CEP250: variants seen among roughly 807,000 people sequenced by gnomAD.
CEP250 encodes centrosome-associated protein CEP250.
CEP250 carries 242 observed loss-of-function variants against 315.7 expected under a neutral mutation model. The ratio of observed to expected loss-of-function variants is 0.77; its 90% CI spans 0.69 to 0.85. The LOEUF (loss-of-function observed/expected upper bound fraction) is 0.85, where lower values mean the gene tolerates loss of function less well. Ranked by LOEUF, CEP250 falls within the 40% of genes least tolerant of loss-of-function variation. CEP250 has a pLI of 0.00. For synonymous variants in CEP250, 1,088 were observed against 1,175.0 expected, an observed-to-expected ratio of 0.93 and a Z score of 1.51; for missense variants, 2,515 against 2,886.4, an observed-to-expected ratio of 0.87 and a Z score of 2.95.
chr20:35,467,010 T>C lies in CEP250; in HGVS notation c.537T>C (p.Ser179=). 1 of 1,613,964 alleles carries C rather than the reference T, an allele frequency of 6.2e-7. No homozygotes were observed. The highest frequency in any genetic ancestry group is 1.3e-5 in the African/African-American group (1 of 75,026). ...YLKGEHGRLL[S]LWREVVTFRR... Reference sequence around the variant, plus strand: ...AAGGGGAGCACGGTCGCCTTCTCAGTCTATGGCGGGAGGTTGTGACATTCC... The same window carrying C: ...AAGGGGAGCACGGTCGCCTTCTCAGCCTATGGCGGGAGGTTGTGACATTCC... Residue 179 remains serine, a synonymous_variant, in exon 8 of 35, where the codon AGT becomes AGC. Transcript: ENST00000397527.
rs371486127 is a variant in CEP250 at position 35,504,224 on chromosome 20, C to T, written c.5855C>T (p.Ser1952Phe). ...LEALRAESQS[S>F]RHQEEAARAR... Reference sequence around the variant, plus strand: ...GCTCTGCGGGCAGAAAGTCAGTCCTCCCGGCATCAGGAGGAGGCTGCCCGG... The same window carrying T: ...GCTCTGCGGGCAGAAAGTCAGTCCTTCCGGCATCAGGAGGAGGCTGCCCGG... The change falls in exon 30 of 35, where the codon TCC becomes TTC. Residue 1952 changes from serine (S) to phenylalanine (F), a missense_variant. Transcript: ENST00000397527. 2 of 1,609,270 alleles carry T rather than the reference C, an allele frequency of 1.2e-6. No individual in the cohort carries two copies. The highest frequency in any genetic ancestry group is 1.7e-6 in the Non-Finnish European group (2 of 1,178,146).
chr20:35,474,710 G>A (rs527796223), intron 14 of CEP250: 1 of 456,340 alleles, frequency 2.2e-6, no homozygotes. Context: ...CAAGGACTTT[G>A]AGCTAGGCAG....
At chr20:35,505,237 C>A (rs7267050) in intron 30 of CEP250, among the ~76,000 whole-genome samples, 1 of 152,144 alleles carries the variant, frequency 6.6e-6, no homozygotes, top group Admixed American at 6.5e-5. Flanking sequence ...GGGTAAACAA[C>A]GATAATGCAG....
chr20:35,511,547 C>T lies in CEP250; in HGVS notation c.7250C>T (p.Ser2417Phe). 6.2e-7 allele frequency: 1 copy of T among 1,614,064 alleles called. No individual in the cohort carries two copies. Among genetic ancestry groups the T allele is most frequent in the Non-Finnish European group, 8.5e-7 (1 of 1,180,012 alleles). ...GCAGAGACCCGCAGGCTGGATGAGT[C>T]CCTGACTCAAAGTCTGACATCCCCA... ...LEAETRRLDE[S>F]LTQSLTSPGP... The change falls in exon 35 of 35, where the codon TCC becomes TTC. Residue 2417 changes from serine to phenylalanine, a missense_variant. Ser to Phe is a radical substitution (Grantham distance 155). Coordinates refer to ENST00000397527, the MANE Select transcript of CEP250 (RefSeq NM_007186.6).
chr20:35,459,062 C>T (rs535469022), intron 2 of CEP250, among the ~76,000 whole-genome samples: 1 of 136,132 alleles, frequency 7.3e-6, no homozygotes, highest in African/African-American at 2.7e-5. Context: ...AACTCCTGAC[C>T]TCAAGTGATC....
intron 34 of CEP250, among the ~76,000 whole-genome samples, chr20:35,511,148 C>T (rs2064343858): frequency 6.6e-6 from 1 of 152,176 alleles, no homozygotes; most frequent in Admixed American, 6.5e-5. Flanking sequence ...CTATTTGAGT[C>T]ACATGTGCAG....
chr20:35,495,380 G>A (rs114373177), intron 24 of CEP250, among the ~76,000 whole-genome samples: 1,717 of 152,302 alleles, frequency 0.011, 36 homozygotes, highest in African/African-American at 0.038. Flanking sequence ...TGTATTTGAA[G>A]GGATTGTAAT....
At position 35,472,117 on chromosome 20, in the gene CEP250, T is replaced by A; in HGVS notation, c.1016T>A (p.Leu339Ter). The stretch of plus-strand genomic sequence containing the variant: ...AGTAGGAATGCGCAAGAGGAGAAGT[T>A]GTCTTTACAGCAGGTGATCAAGGAT... ...SLSRNAQEEK[L>*]SLQQVIKDIT... Residue 339 changes from leucine to a stop codon, truncating the protein, a stop_gained, in exon 11 of 35, where the codon TTG (leucine) becomes TAG (stop). Transcript: ENST00000397527. LOFTEE classifies it high-confidence loss of function. The A allele has an allele frequency of 6.2e-7, 1 of 1,613,062 alleles. No individual in the cohort carries two copies. Among genetic ancestry groups the A allele is most frequent in the Non-Finnish European group, 8.5e-7 (1 of 1,179,032 alleles).
chr20:35,503,539 C>T lies in CEP250; in HGVS notation c.5170C>T (p.Leu1724=). The part of the protein sequence containing the change: ...KGPSKAQRGS[L]EHMKLILRDK... ...CCCAAGTAAAGCACAGCGCGGGAGC[C>T]TAGAGCACATGAAGCTGATCCTGCG... The change falls in exon 30 of 35, where the codon CTA becomes TTA. Residue 1724 remains leucine, a synonymous_variant. Coordinates refer to ENST00000397527, the MANE Select transcript of CEP250 (RefSeq NM_007186.6). The surrounding 1 kb of genome is among the most constrained non-coding windows in gnomAD (Gnocchi z 4.2). 1.9e-6 allele frequency: 3 copies of T among 1,614,050 alleles called. No homozygotes were observed. The highest frequency in any genetic ancestry group is 2.5e-6 in the Non-Finnish European group (3 of 1,180,014).
At chr20:35,491,075 G>A (rs764286414) in intron 21 of CEP250, 137 bp from the exon 22 acceptor site, 96 of 1,092,568 alleles carry the variant, frequency 8.8e-5, no homozygotes, top group Non-Finnish European at 1.2e-4. Flanking sequence ...TGAACCCATG[G>A]GCTCAGACCT....
rs1178667119 is a variant in CEP250, at chr20:35,472,156, T to C, written c.1050+5T>C. ...GTGATCAAGGATATAACCCAGGTACTGGGAAGCCTCCTGTTCATGGTAACC... is the reference window on the plus strand; with the variant it reads ...GTGATCAAGGATATAACCCAGGTACCGGGAAGCCTCCTGTTCATGGTAACC... On this transcript the variant is annotated splice_donor_5th_base_variant and intron_variant, in intron 11 of 34. Transcript: ENST00000397527. 1 of 1,571,090 alleles carries C rather than the reference T, an allele frequency of 6.4e-7. No individual in the cohort carries two copies. Among genetic ancestry groups the C allele is most frequent in the Non-Finnish European group, 8.8e-7 (1 of 1,140,850 alleles).
intron 34 of CEP250, among the ~76,000 whole-genome samples, 166 bp from the exon 35 acceptor site, chr20:35,511,197 G>A (rs567859268): frequency 6.6e-6 from 1 of 152,244 alleles, no homozygotes; most frequent in Admixed American, 6.5e-5. Flanking sequence ...ATTCCTAAGG[G>A]CCCTTCCTCT....
intron 10 of CEP250, chr20:35,470,201 G>T: frequency 1.7e-6 from 1 of 583,792 alleles, no homozygotes; most frequent in Non-Finnish European, 3.1e-6. Flanking sequence ...CTGTATTCCT[G>T]GGGAAATTGC....
At chr20:35,470,240 C>G in intron 10 of CEP250, 2 of 500,362 alleles carry the variant, frequency 4.0e-6, no homozygotes, top group Non-Finnish European at 7.1e-6. Context: ...TGTGTCCTTA[C>G]CAGAGAATTG....
chr20:35,501,796 C>G (rs781556305), intron 28 of CEP250, 49 bp from the exon 29 acceptor site: 2 of 1,537,742 alleles, frequency 1.3e-6, no homozygotes, highest in Non-Finnish European at 1.7e-6. Context: ...ATATCCCAAA[C>G]ATGGGTCTTA....
chr20:35,470,327 T>G (rs901855256), intron 10 of CEP250, among the ~76,000 whole-genome samples: 15 of 152,142 alleles, frequency 9.9e-5, no homozygotes, highest in African/African-American at 3.6e-4. Flanking sequence ...TAAAATCTAG[T>G]CACATGGGAA....
rs764026734 is a variant in CEP250, at chr20:35,476,423, ACT to A, written c.1717-23_1717-22del. Reference sequence around the variant, plus strand: ...GTTCCAGGAAAATTGGAAATATGAAACTCTTTAATCCTTTTTGTTTTTTAGGC... The same window carrying A: ...GTTCCAGGAAAATTGGAAATATGAAACTTTAATCCTTTTTGTTTTTTAGGC... On this transcript the variant is annotated intron_variant, in intron 15 of 34. Coordinates refer to ENST00000397527, the MANE Select transcript of CEP250 (RefSeq NM_007186.6). 4.4e-6 allele frequency: 7 copies of A among 1,597,252 alleles called. No homozygotes were observed. The South Asian group carries it at 5.5e-5, about 13-fold the overall frequency.
chr20:35,498,984 C>T (rs1362628862), intron 27 of CEP250, among the ~76,000 whole-genome samples: 1 of 152,062 alleles, frequency 6.6e-6, no homozygotes, highest in African/African-American at 2.4e-5. Flanking sequence ...AACCAAAAAA[C>T]CCTGGGTAGG....
Position 35,503,884 on chromosome 20 carries a change from A to G in CEP250, c.5515A>G (p.Lys1839Glu), listed in dbSNP as rs780249845. The change falls in exon 30 of 35, where the codon AAG becomes GAG. Residue 1839 changes from lysine to glutamate, a missense_variant. Physicochemically the swap from Lys to Glu is moderately conservative, Grantham distance 56. Transcript: ENST00000397527. The surrounding 1 kb of genome is among the most constrained non-coding windows in gnomAD (Gnocchi z 4.2). The part of the protein sequence containing the change: ...AQGQEERVKE[K>E]ADALQGALEQ... ...GGGACAGGAGGAGAGGGTGAAGGAA[A>G]AGGCAGACGCCCTCCAGGGAGCTCT... 6.8e-6 allele frequency: 11 copies of G among 1,613,696 alleles called. No individual in the cohort carries two copies. Among genetic ancestry groups the G allele is most frequent in the Non-Finnish European group, 9.3e-6 (11 of 1,179,870 alleles).
Sources: allele counts gnomAD v4.1 joint callset (sites outside exome capture counted in the v4.1 genomes callset), GRCh38; gene constraint gnomAD v4.1.1; non-coding constraint Gnocchi (gnomAD v3.1); transcripts MANE v1.5; gene names NCBI Gene and HGNC (gene_info 2026-07-23, HGNC 2026-07-21).